CADM2: variants seen among roughly 807,000 people sequenced by gnomAD.
CADM2 encodes the protein immunoglobulin superfamily member 4D.
A neutral mutation model predicts 49.8 loss-of-function variants in CADM2; 12 were observed. That is an observed-to-expected ratio of 0.24 (90% confidence interval 0.15 to 0.39). The LOEUF is 0.39. CADM2 is among the 10% of genes least tolerant of loss of function. CADM2 has a pLI of 1.00. For missense variants in CADM2, 378 were observed against 492.3 expected (o/e 0.77, Z 2.20); for synonymous variants, 214 against 175.4 (o/e 1.22, Z -1.74).
chr3:85,706,305 C>A (rs2066949641), intron 1 of CADM2, among the ~76,000 whole-genome samples: 1 of 152,142 alleles, frequency 6.6e-6, no homozygotes, highest in Non-Finnish European at 1.5e-5. Context: ...TATTTCTATC[C>A]AATTTGCCTG....
intron 8 of CADM2, chr3:86,012,569 C>T: frequency 6.5e-7 from 1 of 1,540,250 alleles, no homozygotes; most frequent in East Asian, 2.5e-5. Context: ...AGATGCCGAA[C>T]TTCTGCGCTG....
intron 1 of CADM2, among the ~76,000 whole-genome samples, chr3:85,583,071 T>A (rs2062840987): frequency 6.6e-6 from 1 of 152,166 alleles, no homozygotes; most frequent in Non-Finnish European, 1.5e-5. Context: ...GTGGGGATTT[T>A]TAATTATTAT....
chr3:85,968,116 C>T (rs530856570), intron 8 of CADM2, among the ~76,000 whole-genome samples: 1 of 151,730 alleles, frequency 6.6e-6, no homozygotes, highest in Admixed American at 6.6e-5. Context: ...CTGCTCTCAT[C>T]TCTGGTTGAG....
At chr3:85,136,702 A>C (rs1053373340) in intron 1 of CADM2, among the ~76,000 whole-genome samples, 3 of 151,924 alleles carry the variant, frequency 2.0e-5, no homozygotes, top group African/African-American at 7.2e-5. Flanking sequence ...AATGCAAAGA[A>C]CTTCAAGAAA....
chr3:85,338,459 A>G (rs1222171292), intron 1 of CADM2, among the ~76,000 whole-genome samples: 5 of 151,536 alleles, frequency 3.3e-5, no homozygotes, highest in Non-Finnish European at 7.4e-5. Flanking sequence ...TAGCCCCGAG[A>G]AGCCAGTAAT....
chr3:85,761,651 A>C (rs2107904134), intron 2 of CADM2, among the ~76,000 whole-genome samples: 1 of 152,234 alleles, frequency 6.6e-6, no homozygotes, highest in Admixed American at 6.5e-5. Flanking sequence ...CTGGGATTAC[A>C]GGCGTGAGCC....
chr3:85,178,312 C>T (rs1213964463), intron 1 of CADM2, among the ~76,000 whole-genome samples: 1 of 151,734 alleles, frequency 6.6e-6, no homozygotes, highest in African/African-American at 2.4e-5. Flanking sequence ...AATTGGTACA[C>T]ATTATACATG....
chr3:85,925,285 A>T (rs904114704), intron 6 of CADM2, among the ~76,000 whole-genome samples: 3 of 152,180 alleles, frequency 2.0e-5, no homozygotes, highest in African/African-American at 7.2e-5. Context: ...ATTTTTGCAG[A>T]TGTATAACAG....
At chr3:85,680,346 T>TA (rs1203209375) in intron 1 of CADM2, among the ~76,000 whole-genome samples, 5 of 152,270 alleles carry the variant, frequency 3.3e-5, no homozygotes, top group Admixed American at 1.3e-4. Context: ...AGAGAAAAGA[T>TA]AAAGGGCTGA....
At chr3:84,988,074 G>T (rs929419985) in intron 1 of CADM2, among the ~76,000 whole-genome samples, 14 of 152,154 alleles carry the variant, frequency 9.2e-5, no homozygotes, top group Non-Finnish European at 1.5e-4. Context: ...ACTTGCTTTA[G>T]TAGCACTCTC....
At chr3:85,834,331 A>G (rs2074313003) in intron 3 of CADM2, among the ~76,000 whole-genome samples, 2 of 151,682 alleles carry the variant, frequency 1.3e-5, no homozygotes, top group Non-Finnish European at 3.0e-5. Flanking sequence ...TATATAAATC[A>G]AAGACTGTCA....
intron 1 of CADM2, among the ~76,000 whole-genome samples, chr3:85,645,021 A>G (rs938686829): frequency 1.3e-5 from 2 of 152,126 alleles, no homozygotes; most frequent in Non-Finnish European, 2.9e-5. Flanking sequence ...GGAGGTGTAT[A>G]CTAAACTTAA....
intron 2 of CADM2, among the ~76,000 whole-genome samples, chr3:85,744,189 T>C (rs2068516471): frequency 6.6e-6 from 1 of 152,084 alleles, no homozygotes; most frequent in Non-Finnish European, 1.5e-5. Context: ...AGTACAATGA[T>C]GGTTACCAGA....
intron 1 of CADM2, among the ~76,000 whole-genome samples, chr3:85,320,759 G>A (rs1021200625): frequency 1.3e-5 from 2 of 151,964 alleles, no homozygotes; most frequent in African/African-American, 2.4e-5. Flanking sequence ...TTTGTTTTCT[G>A]TAACTTCCTT....
At chr3:85,202,807 G>A (rs1576108778) in intron 1 of CADM2, among the ~76,000 whole-genome samples, 2 of 152,142 alleles carry the variant, frequency 1.3e-5, no homozygotes, top group East Asian at 3.9e-4. Flanking sequence ...TGTCTACATG[G>A]AAAATCTGTT....
chr3:85,098,777 G>A (rs1209102023), intron 1 of CADM2, among the ~76,000 whole-genome samples: 2 of 152,108 alleles, frequency 1.3e-5, no homozygotes, highest in African/African-American at 4.8e-5. Flanking sequence ...TGCTTGCTCC[G>A]CACCTCGTGA....
chr3:85,665,357 T>A (rs767363127), intron 1 of CADM2, among the ~76,000 whole-genome samples: 2 of 151,912 alleles, frequency 1.3e-5, no homozygotes, highest in Admixed American at 6.6e-5. Context: ...GAAAACATTT[T>A]AAAGGTTGTA....
intron 3 of CADM2, among the ~76,000 whole-genome samples, chr3:85,869,516 A>G (rs1435004668): frequency 6.6e-6 from 1 of 152,118 alleles, no homozygotes; most frequent in Non-Finnish European, 1.5e-5. Flanking sequence ...AGGTGGTCCC[A>G]TAGATCTCAT....
At chr3:85,413,161 A>AT (rs1280736211) in intron 1 of CADM2, among the ~76,000 whole-genome samples, 19 of 108,508 alleles carry the variant, frequency 1.8e-4, no homozygotes, top group African/African-American at 6.1e-4. Flanking sequence ...AAAAAAAAAA[A>AT]AATAATAATA....
Sources: allele counts gnomAD v4.1 joint callset (sites outside exome capture counted in the v4.1 genomes callset), GRCh38; gene constraint gnomAD v4.1.1; transcripts MANE v1.5; gene names NCBI Gene and HGNC (gene_info 2026-07-23, HGNC 2026-07-21).